Variants in USPL1 observed in about 807,000 individuals in gnomAD.
USPL1 encodes the protein ubiquitin specific peptidase like 1, also known as SUMO-specific isopeptidase USPL1.
USPL1 carries 27 observed loss-of-function variants against 51.5 expected under a neutral mutation model. The observed-to-expected ratio is 0.52, with a 90% CI of 0.39 to 0.72. The LOEUF (loss-of-function observed/expected upper bound fraction) is 0.72. Ranked by LOEUF, USPL1 falls within the 30% of genes least tolerant of loss-of-function variation. USPL1 has a pLI of 0.00. For synonymous variants in USPL1, 451 were observed against 459.6 expected, an observed-to-expected ratio of 0.98 and a Z score of 0.24; for missense variants, 1,226 against 1,268.0, an observed-to-expected ratio of 0.97 and a Z score of 0.50.
At chr13:30,647,157 C>A in intron 7 of USPL1, 100 bp downstream of exon 7, 1 of 1,301,172 alleles carries the variant, frequency 7.7e-7, no homozygotes, top group South Asian at 1.4e-5. Context: ...ACTTACCTTT[C>A]TGAAATTTGA....
chr13:30,653,349 C>T (rs746406589), intron 8 of USPL1, 44 bp downstream of exon 8: 4 of 1,493,038 alleles, frequency 2.7e-6, no homozygotes, highest in Non-Finnish European at 2.7e-6. Context: ...GGCATAGAAA[C>T]TAAATTCTAG....
chr13:30,637,360 A>G (rs961424148), intron 4 of USPL1, among the ~76,000 whole-genome samples: 11 of 152,224 alleles, frequency 7.2e-5, no homozygotes, highest in Non-Finnish European at 8.8e-5. Flanking sequence ...GGCTAAGTTC[A>G]ATAAAAGTTA....
intron 3 of USPL1, among the ~76,000 whole-genome samples, chr13:30,629,971 A>G (rs1167010929): frequency 6.8e-6 from 1 of 146,220 alleles, no homozygotes; most frequent in Non-Finnish European, 1.5e-5. Flanking sequence ...AACTATTATT[A>G]TTATTATTAT....
At position 30,659,439 on chromosome 13, in the gene USPL1, G is replaced by A. The variant is rs565187794; in HGVS notation, c.*83G>A. ...TGTGTTCAGGTAGTGTTTATACACT[G>A]GACTTGTGTAATTACTTGTGTAATA... is the stretch of plus-strand genomic sequence containing the variant. On this transcript the variant is annotated 3_prime_UTR_variant, in exon 9 of 9. Coordinates refer to ENST00000255304, the MANE Select transcript of USPL1 (RefSeq NM_005800.5). 5.7e-5 allele frequency: 69 copies of A among 1,207,846 alleles called. No individual in the cohort carries two copies. The highest frequency in any genetic ancestry group is 7.2e-5 in the Non-Finnish European group (64 of 894,496). The allele number at this position is 1,207,846 out of a possible 1,614,324, so 74.8% of individuals were successfully genotyped here.
chr13:30,639,417 C>T (rs1050718373), intron 5 of USPL1, among the ~76,000 whole-genome samples: 3 of 151,788 alleles, frequency 2.0e-5, no homozygotes, highest in South Asian at 2.1e-4. Flanking sequence ...TGTATATCTG[C>T]TTTATTTTTC....
chr13:30,626,911 CAAAG>C (rs1396929771), intron 3 of USPL1, among the ~76,000 whole-genome samples: 3 of 151,592 alleles, frequency 2.0e-5, no homozygotes, highest in East Asian at 3.9e-4. Flanking sequence ...GTTGAGTAAT[CAAAG>C]AAAACTTTTT....
intron 6 of USPL1, 129 bp from the exon 7 acceptor site, chr13:30,646,803 A>G (rs184271124): frequency 2.9e-4 from 292 of 1,005,236 alleles, no homozygotes; most frequent in Non-Finnish European, 3.9e-4. Context: ...GAACATTGCC[A>G]TATTAACATG....
intron 2 of USPL1, 76 bp from the exon 3 acceptor site, chr13:30,621,688 C>T: frequency 1.7e-6 from 2 of 1,171,390 alleles, no homozygotes; most frequent in Non-Finnish European, 2.2e-6. Context: ...TTTCTGGTTA[C>T]CTTTCCATTT....
chr13:30,620,221 G>C (rs770349166), intron 1 of USPL1, among the ~76,000 whole-genome samples: 9 of 152,206 alleles, frequency 5.9e-5, no homozygotes, highest in Non-Finnish European at 1.3e-4. Flanking sequence ...GGGTGTCATA[G>C]AATCATGGAT....
In USPL1 at chr13:30,657,685, G is replaced by A. The variant is rs754396861; in HGVS notation, c.1608G>A (p.Val536=). The change falls in exon 9 of 9, where the codon GTG becomes GTA. Residue 536 remains valine, a synonymous_variant. Transcript: ENST00000255304. Reference sequence around the variant, plus strand: ...CAGTATCTTTAACATCGTGTTCTGTGGGTGATGCTGCCTCAGCTGAAACAG... The same window carrying A: ...CAGTATCTTTAACATCGTGTTCTGTAGGTGATGCTGCCTCAGCTGAAACAG... The part of the protein sequence containing the change: ...EKPVSLTSCS[V]GDAASAETAS... 39 of 1,614,002 alleles carry A rather than the reference G, an allele frequency of 2.4e-5. No homozygotes were observed. Among genetic ancestry groups the A allele is most frequent in the Non-Finnish European group, 3.2e-5 (38 of 1,179,994 alleles).
Position 30,631,030 on chromosome 13 carries a change from A to G in USPL1, c.424A>G (p.Asn142Asp), listed in dbSNP as rs757350183. ...DGGKVLNSKHNGEVYDETSSN... is the reference protein window; with the variant it reads ...DGGKVLNSKHDGEVYDETSSN... The stretch of plus-strand genomic sequence containing the variant: ...TGGAAAAGTTTTGAACAGCAAACAT[A>G]ATGGAGAAGTATATGACGAAACCTC... The change falls in exon 4 of 9, where the codon AAT becomes GAT. Residue 142 changes from asparagine (N) to aspartate (D), a missense_variant. Transcript: ENST00000255304. 1.4e-5 allele frequency: 22 copies of G among 1,614,162 alleles called. No homozygotes were observed. The highest frequency in any genetic ancestry group is 1.8e-5 in the Non-Finnish European group (21 of 1,180,040).
intron 7 of USPL1, among the ~76,000 whole-genome samples, chr13:30,649,584 AC>A (rs1279864444): frequency 1.3e-5 from 2 of 152,200 alleles, no homozygotes; most frequent in Non-Finnish European, 2.9e-5. Flanking sequence ...TTACATTCAG[AC>A]CATGGTGACA....
At chr13:30,634,755 A>G (rs942310945) in intron 4 of USPL1, among the ~76,000 whole-genome samples, 1 of 152,218 alleles carries the variant, frequency 6.6e-6, no homozygotes, top group African/African-American at 2.4e-5. Context: ...CCAAATTTAC[A>G]AGATAATGAC....
intron 4 of USPL1, among the ~76,000 whole-genome samples, chr13:30,636,365 TG>T (rs2137653865): frequency 6.6e-6 from 1 of 152,202 alleles, no homozygotes; most frequent in East Asian, 1.9e-4. Context: ...TTTTTTGGCA[TG>T]GTCAAATAAC....
chr13:30,631,092 A>T lies in USPL1; in HGVS notation c.486A>T (p.Pro162=). ...NLPDSSGQQN[P]IRTADSLERN... ...CTGATAGTAGTGGTCAACAGAATCC[A>T]ATTAGGACAGCTGATTCCTTGGAGC... The change falls in exon 4 of 9, where the codon CCA becomes CCT. Residue 162 remains proline, a synonymous_variant. Transcript: ENST00000255304. The T allele has an allele frequency of 6.2e-7, 1 of 1,614,206 alleles. No individual in the cohort carries two copies. Among genetic ancestry groups the T allele is most frequent in the Middle Eastern group, 1.6e-4 (1 of 6,062 alleles).
intron 4 of USPL1, among the ~76,000 whole-genome samples, chr13:30,634,608 AC>A (rs1950851007): frequency 6.6e-6 from 1 of 152,116 alleles, no homozygotes; most frequent in African/African-American, 2.4e-5. Context: ...ATATTCATCT[AC>A]CTGTCAGTGG....
In USPL1 at chr13:30,642,703, A is replaced by G. The variant is rs774010155; in HGVS notation, c.1058A>G (p.Tyr353Cys). The change falls in exon 6 of 9, where the codon TAT becomes TGT. Residue 353 changes from tyrosine (Y) to cysteine (C), a missense_variant. Transcript: ENST00000255304. ...LETHIEKLFL[Y>C]SFSWDFECSQ... The stretch of plus-strand genomic sequence containing the variant: ...ACCCACATTGAAAAGCTCTTCCTAT[A>G]TTCTTTTTCTTGGGACTTTGAATGT... 5.6e-5 allele frequency: 90 copies of G among 1,613,772 alleles called. No individual in the cohort carries two copies. The highest frequency in any genetic ancestry group is 7.4e-5 in the Non-Finnish European group (87 of 1,179,890).
intron 5 of USPL1, 85 bp from the exon 6 acceptor site, chr13:30,642,543 G>GT (rs1950961526): frequency 6.6e-7 from 1 of 1,507,948 alleles, no homozygotes; most frequent in Non-Finnish European, 9.0e-7. Flanking sequence ...TGTAAATATA[G>GT]TAAGAAAAGA....
intron 6 of USPL1, among the ~76,000 whole-genome samples, chr13:30,645,670 T>G (rs1186676973): frequency 2.0e-5 from 3 of 152,236 alleles, no homozygotes; most frequent in Non-Finnish European, 4.4e-5. Context: ...TTTGTTTTTG[T>G]GAAGCTGTTT....
Sources: gnomAD v4.1 joint callset for allele counts (sites outside exome capture counted in the v4.1 genomes callset) on GRCh38, gnomAD v4.1.1 for gene constraint, MANE v1.5 for transcripts, NCBI Gene and HGNC (gene_info 2026-07-23, HGNC 2026-07-21) for gene names.